MTUS1: variants seen among roughly 807,000 people sequenced by gnomAD.
The protein encoded by MTUS1 is microtubule associated scaffold protein 1.
Under a neutral mutation model 120.8 loss-of-function variants are expected in MTUS1, and 109 were observed. The observed-to-expected ratio is 0.90, with a 90% CI of 0.77 to 1.06. MTUS1 has a LOEUF of 1.06. MTUS1 is among the 50% of genes least tolerant of loss of function. The pLI, the probability that MTUS1 is intolerant of heterozygous loss-of-function variation, is 0.00. For synonymous variants in MTUS1, 737 were observed against 550.5 expected, an observed-to-expected ratio of 1.34 and a Z score of -4.74; for missense variants, 2,210 against 1,486.3, an observed-to-expected ratio of 1.49 and a Z score of -8.01.
intron 1 of MTUS1, among the ~76,000 whole-genome samples, chr8:17,764,885 G>A (rs1346796708): frequency 6.6e-6 from 1 of 152,198 alleles, no homozygotes; most frequent in Admixed American, 6.5e-5. Context: ...CTGCGGACCA[G>A]GAGGAGGGGG....
chr8:17,793,932 G>T (rs1586447410), intron 1 of MTUS1, among the ~76,000 whole-genome samples: 1 of 152,096 alleles, frequency 6.6e-6, no homozygotes, highest in Non-Finnish European at 1.5e-5. Flanking sequence ...AATGATTGGG[G>T]TTTCTCTGAC....
chr8:17,767,312 G>A (rs930995678), intron 1 of MTUS1, among the ~76,000 whole-genome samples: 1 of 151,842 alleles, frequency 6.6e-6, no homozygotes, highest in East Asian at 1.9e-4. Flanking sequence ...ATGATGATAA[G>A]GAATTTGGGG....
At chr8:17,772,896 G>A (rs2050122923) in intron 1 of MTUS1, among the ~76,000 whole-genome samples, 1 of 152,130 alleles carries the variant, frequency 6.6e-6, no homozygotes. Context: ...GCATGGAAAA[G>A]ACTTGAAGAT....
At chr8:17,715,674 T>C (rs1316069516) in intron 5 of MTUS1, 93 bp downstream of exon 5, 3 of 1,252,660 alleles carry the variant, frequency 2.4e-6, no homozygotes, top group African/African-American at 1.5e-5. Flanking sequence ...TTGTTGACTA[T>C]ACCATAAACC....
chr8:17,690,171 A>G (rs1176731979), intron 6 of MTUS1, among the ~76,000 whole-genome samples: 1 of 152,202 alleles, frequency 6.6e-6, no homozygotes, highest in Non-Finnish European at 1.5e-5. Flanking sequence ...GCTAGCAACT[A>G]GCAAGAAAAA....
Position 17,753,806 on chromosome 8 carries a change from C to T in MTUS1, c.2002G>A (p.Gly668Ser). ...NIDRISPEKK[G>S]EKENGTSMEK... ...ATAGATGTCCCATTTTCTTTTTCAC[C>T]CTTCTTTTCAGGGCTAATCCTATCA... Residue 668 changes from glycine to serine, a missense_variant, in exon 2 of 15, where the codon GGT becomes AGT. By Grantham distance (56) the Gly-to-Ser change is moderately conservative. Coordinates refer to ENST00000693296, the MANE Select transcript of MTUS1 (RefSeq NM_001363059.2). 1 of 1,613,436 alleles carries T rather than the reference C, an allele frequency of 6.2e-7. No homozygotes were observed. The highest frequency in any genetic ancestry group is 1.1e-5 in the South Asian group (1 of 90,850).
At chr8:17,701,261 G>A (rs1440559009) in intron 6 of MTUS1, among the ~76,000 whole-genome samples, 1 of 152,054 alleles carries the variant, frequency 6.6e-6, no homozygotes, top group Non-Finnish European at 1.5e-5. Context: ...CTTTAATGTA[G>A]TAAGTTCAAT....
At chr8:17,727,849 C>T (rs1056527477) in intron 3 of MTUS1, among the ~76,000 whole-genome samples, 12 of 152,162 alleles carry the variant, frequency 7.9e-5, no homozygotes, top group Admixed American at 4.6e-4. Context: ...GTAATTATAA[C>T]CATCTTTTAT....
chr8:17,788,772 C>T (rs959027488), intron 1 of MTUS1, among the ~76,000 whole-genome samples: 3 of 152,320 alleles, frequency 2.0e-5, no homozygotes, highest in Non-Finnish European at 4.4e-5. Flanking sequence ...TTAGATATCA[C>T]ATCATATTGT....
chr8:17,656,336 T>C (rs1808221788), intron 8 of MTUS1, among the ~76,000 whole-genome samples: 1 of 151,890 alleles, frequency 6.6e-6, no homozygotes. Flanking sequence ...AAGACCGGCC[T>C]GGTCAACATG....
chr8:17,730,844 A>G (rs1019575537), intron 3 of MTUS1, among the ~76,000 whole-genome samples: 10 of 152,296 alleles, frequency 6.6e-5, no homozygotes, highest in Non-Finnish European at 1.3e-4. Context: ...GGTTAGTAAA[A>G]TGGATACAGG....
intron 3 of MTUS1, among the ~76,000 whole-genome samples, chr8:17,736,413 T>A (rs2046931278): frequency 6.6e-6 from 1 of 152,098 alleles, no homozygotes; most frequent in Admixed American, 6.5e-5. Flanking sequence ...CCTCGGGGTC[T>A]CTGCACGGCT....
intron 3 of MTUS1, among the ~76,000 whole-genome samples, chr8:17,735,632 G>T (rs1372423407): frequency 2.0e-5 from 3 of 152,170 alleles, no homozygotes; most frequent in Non-Finnish European, 4.4e-5. Flanking sequence ...GCTCCTGCAG[G>T]CGCATTCCAA....
intron 2 of MTUS1, among the ~76,000 whole-genome samples, chr8:17,752,722 C>T (rs896382423): frequency 3.3e-5 from 5 of 152,140 alleles, no homozygotes; most frequent in Non-Finnish European, 1.5e-5. Context: ...ACGAGCCCTC[C>T]AAGGGACAGG....
At chr8:17,649,786 C>T in intron 13 of MTUS1, 60 bp downstream of exon 13, 2 of 904,978 alleles carry the variant, frequency 2.2e-6, no homozygotes, top group South Asian at 1.4e-5. Flanking sequence ...AAATGCAGGG[C>T]TCAATTTCAC....
chr8:17,663,677 C>A (rs1049465790), intron 8 of MTUS1, among the ~76,000 whole-genome samples: 1 of 152,146 alleles, frequency 6.6e-6, no homozygotes, highest in African/African-American at 2.4e-5. Context: ...CTCACTGCAA[C>A]CTCGGCCTCC....
intron 1 of MTUS1, among the ~76,000 whole-genome samples, chr8:17,786,563 C>A (rs567416769): frequency 1.5e-5 from 1 of 66,760 alleles, no homozygotes; most frequent in East Asian, 3.0e-4. Context: ...CCAAAAAACA[C>A]TGAGTTATCT....
intron 2 of MTUS1, 76 bp from the exon 3 acceptor site, chr8:17,743,875 T>G: frequency 7.7e-7 from 1 of 1,305,090 alleles, no homozygotes; most frequent in Non-Finnish European, 1.1e-6. Flanking sequence ...GGGCCCCTCC[T>G]CTAGGCCAAG....
intron 1 of MTUS1, among the ~76,000 whole-genome samples, chr8:17,768,774 G>A (rs1310756903): frequency 6.6e-6 from 1 of 152,040 alleles, no homozygotes; most frequent in African/African-American, 2.4e-5. Context: ...AGAAGAGAGA[G>A]TCCTGGTGGG....
Sources: allele counts gnomAD v4.1 joint callset (sites outside exome capture counted in the v4.1 genomes callset), GRCh38; gene constraint gnomAD v4.1.1; transcripts MANE v1.5; gene names NCBI Gene and HGNC (gene_info 2026-07-23, HGNC 2026-07-21).